Variants in RBM10 observed in about 807,000 individuals in gnomAD.
The protein encoded by RBM10 is RNA-binding protein 10.
In RBM10, 1 loss-of-function variant was observed where a neutral mutation model predicts 84.9. The observed-to-expected ratio is 0.01, with a 90% CI of 0.00 to 0.06. The LOEUF is 0.06. Ranked by LOEUF, RBM10 falls within the 10% of genes least tolerant of loss-of-function variation. RBM10 has a pLI of 1.00. For missense variants in RBM10, 438 were observed against 839.0 expected (o/e 0.52, Z 5.90); for synonymous variants, 326 against 344.5 (o/e 0.95, Z 0.60).
rs375255988 is a variant in RBM10, at chrX:47,169,295, C to T, written c.18-20C>T. ...AAAGGGCAACCTTCTGATCCCTCCC[C>T]ATCCTTCTTCCTCCACTAGTGGTGG... On this transcript the variant is annotated intron_variant, in intron 2 of 23. Coordinates refer to ENST00000377604, the MANE Select transcript of RBM10 (RefSeq NM_005676.5). The T allele has an allele frequency of 2.5e-6, 3 of 1,193,493 alleles. No homozygotes were observed. In the African/African-American group the frequency reaches 5.3e-5, roughly 21 times the overall value.
In RBM10 at chrX:47,185,093, C is replaced by T; in HGVS notation, c.1989C>T (p.Asn663=). Residue 663 remains asparagine (N), a synonymous_variant, in exon 18 of 24, where the codon AAC becomes AAT. Transcript: ENST00000377604. The part of the protein sequence containing the change: ...KDMERWARSL[N]KQKENFKNSF... ...TGGAACGCTGGGCCCGCAGTCTCAA[C>T]AAACAAAAAGAAAACTTCAAAAATA... 8.3e-7 allele frequency: 1 copy of T among 1,211,003 alleles called. No individual in the cohort carries two copies. Among genetic ancestry groups the T allele is most frequent in the Non-Finnish European group, 1.1e-6 (1 of 895,236 alleles).
chrX:47,149,228 G>A (rs1438833720), intron 2 of RBM10, among the ~76,000 whole-genome samples: 1 of 111,308 alleles, frequency 9.0e-6, no homozygotes, highest in Non-Finnish European at 1.9e-5. Flanking sequence ...TCTCTATGTT[G>A]CCCAGGCTGG....
chrX:47,147,464 C>T lies in RBM10; in HGVS notation c.-18C>T, dbSNP rs1406919407. On this transcript the variant is annotated 5_prime_UTR_variant, in exon 2 of 24. Coordinates refer to ENST00000377604, the MANE Select transcript of RBM10 (RefSeq NM_005676.5). ...GCTGAGGAGGGGCCCCAGCAGCCCC[C>T]GAAGGCCCTATCAGGACATGGAGTA... 1 of 1,211,368 alleles carries T rather than the reference C, an allele frequency of 8.3e-7. No homozygotes were observed. The highest frequency in any genetic ancestry group is 2.2e-5 in the Admixed American group (1 of 45,983).
intron 23 of RBM10, 29 bp from the exon 24 acceptor site, chrX:47,186,445 G>T: frequency 8.3e-7 from 1 of 1,201,832 alleles, no homozygotes; most frequent in Non-Finnish European, 1.1e-6. Context: ...TCCCCCACCA[G>T]CCTGACAGAG....
At chrX:47,172,184 GC>G (rs1204317371) in intron 4 of RBM10, among the ~76,000 whole-genome samples, 31 of 112,319 alleles carry the variant, frequency 2.8e-4, no homozygotes, top group African/African-American at 1.0e-3. Context: ...AATGTGACTT[GC>G]CCCAGGTCTC....
chrX:47,180,125 C>T (rs1397764033), intron 10 of RBM10, 85 bp downstream of exon 10: 33 of 1,185,636 alleles, frequency 2.8e-5, no homozygotes, highest in South Asian at 3.6e-5. Context: ...AGCCTCCCAC[C>T]GCGGCTGCCA....
At position 47,186,282 on chromosome X, in the gene RBM10, C is replaced by T. The variant is rs139585263; in HGVS notation, c.2562C>T (p.Asp854=). 131 of 1,207,753 alleles carry T rather than the reference C, an allele frequency of 1.1e-4. No individual in the cohort carries two copies. Among genetic ancestry groups the T allele is most frequent in the East Asian group, 3.0e-5 (1 of 33,591 alleles). Residue 854 remains aspartate, a synonymous_variant, in exon 23 of 24, where the codon GAC becomes GAT. Coordinates refer to ENST00000377604, the MANE Select transcript of RBM10 (RefSeq NM_005676.5). ...GAGACTTCGAGCAGCCTACTCGGGACGGGCTGGGCAGTGACAACATTGGCA... is the reference window on the plus strand; with the variant it reads ...GAGACTTCGAGCAGCCTACTCGGGATGGGCTGGGCAGTGACAACATTGGCA... ...ASVDFEQPTR[D]GLGSDNIGSR...
At chrX:47,147,331 C>T in intron 1 of RBM10, 26 bp from the exon 2 acceptor site, 2 of 1,169,026 alleles carry the variant, frequency 1.7e-6, no homozygotes, top group Non-Finnish European at 1.1e-6. Flanking sequence ...CAGTTTTGAC[C>T]CCTTTCTTCC....
chrX:47,145,455 G>A lies in RBM10; in HGVS notation c.-156G>A. On this transcript the variant is annotated 5_prime_UTR_variant, in exon 1 of 24. Transcript: ENST00000377604. ...GGCGGCGGGCAGAGGTGATGTCTGGGAGCCCTTCCTTGACAGCCCGGGCCG... is the reference window on the plus strand; with the variant it reads ...GGCGGCGGGCAGAGGTGATGTCTGGAAGCCCTTCCTTGACAGCCCGGGCCG... 8.7e-7 allele frequency: 1 copy of A among 1,154,424 alleles called. No homozygotes were observed. Among genetic ancestry groups the A allele is most frequent in the Non-Finnish European group, 1.1e-6 (1 of 872,429 alleles).
intron 2 of RBM10, chrX:47,158,181 C>T (rs1264726596): frequency 4.1e-6 from 1 of 241,566 alleles, no homozygotes; most frequent in African/African-American, 3.0e-5. Flanking sequence ...ACTCTCTTCC[C>T]TTTCATAAAG....
At position 47,173,580 on chromosome X, in the gene RBM10, T is replaced by G. The variant is rs782351502; in HGVS notation, c.502+383T>G. On this transcript the variant is annotated intron_variant, in intron 5 of 23. Transcript: ENST00000377604. ...GCCCCTCACTTTCCCCCACATTTTT[T>G]GGTAACAGCCTCTGACCAGAAAGTA... 2.7e-5 allele frequency among the ~76,000 whole-genome samples: 3 copies of G among 112,427 alleles called. No homozygotes were observed. The South Asian group carries it at 1.1e-3, about 41-fold the overall frequency.
intron 2 of RBM10, among the ~76,000 whole-genome samples, chrX:47,159,308 C>T (rs2147100603): frequency 9.2e-6 from 1 of 108,686 alleles, no homozygotes; most frequent in South Asian, 4.0e-4. Flanking sequence ...ACTCGGGAGG[C>T]TGAGGCAGGA....
At chrX:47,176,374 G>C (rs1001030610) in intron 6 of RBM10, 126 bp from the exon 7 acceptor site, 5 of 1,125,952 alleles carry the variant, frequency 4.4e-6, no homozygotes, top group East Asian at 6.4e-5. Context: ...TCCGCTCTCC[G>C]ACCTCCCTCC....
intron 2 of RBM10, among the ~76,000 whole-genome samples, chrX:47,166,746 T>A (rs2147120911): frequency 9.1e-6 from 1 of 109,606 alleles, no homozygotes; most frequent in Non-Finnish European, 1.9e-5. Context: ...GTGCTGGGAT[T>A]ACAGGATGAG....
intron 6 of RBM10, 111 bp from the exon 7 acceptor site, chrX:47,176,389 C>T: frequency 8.6e-7 from 1 of 1,161,151 alleles, no homozygotes; most frequent in Non-Finnish European, 1.2e-6. Flanking sequence ...CCCTCCGTTC[C>T]CTGTCCCTCA....
At chrX:47,149,179 G>T (rs868937065) in intron 2 of RBM10, among the ~76,000 whole-genome samples, 1 of 110,384 alleles carries the variant, frequency 9.1e-6, no homozygotes, top group Non-Finnish European at 1.9e-5. Flanking sequence ...AGAGTGGGAG[G>T]TTTTTTTTGT....
At chrX:47,162,683 G>A (rs781990237) in intron 2 of RBM10, among the ~76,000 whole-genome samples, 2 of 109,886 alleles carry the variant, frequency 1.8e-5, no homozygotes, top group Non-Finnish European at 1.9e-5. Context: ...AGACCAGCCT[G>A]GCCAACATGA....
chrX:47,159,456 A>G (rs782205247), intron 2 of RBM10, among the ~76,000 whole-genome samples: 2 of 109,452 alleles, frequency 1.8e-5, no homozygotes, highest in African/African-American at 6.6e-5. Flanking sequence ...GGTGCATGTG[A>G]TAGAATAAAT....
chrX:47,157,477 C>T, intron 2 of RBM10: 1 of 396,466 alleles, frequency 2.5e-6, no homozygotes, highest in Non-Finnish European at 4.7e-6. Context: ...ATGGTGTCAT[C>T]CCCGCACAGG....
Sources: gnomAD v4.1 joint callset for allele counts (sites outside exome capture counted in the v4.1 genomes callset) on GRCh38, gnomAD v4.1.1 for gene constraint, MANE v1.5 for transcripts, NCBI Gene and HGNC (gene_info 2026-07-23, HGNC 2026-07-21) for gene names.